CACNA1B: variants seen among roughly 807,000 people sequenced by gnomAD.
CACNA1B encodes calcium voltage-gated channel subunit alpha1 B.
Under a neutral mutation model 247.2 loss-of-function variants are expected in CACNA1B, and 70 were observed. The observed-to-expected ratio is 0.28, with a 90% CI of 0.23 to 0.35. The LOEUF (loss-of-function observed/expected upper bound fraction) is 0.35. Ranked by LOEUF, CACNA1B falls within the 10% of genes least tolerant of loss-of-function variation. The pLI is 1.00. For synonymous variants in CACNA1B, 1,231 were observed against 1,294.4 expected (o/e 0.95, Z 1.05); for missense variants, 2,367 against 3,197.4 (o/e 0.74, Z 6.26).
chr9:138,067,928 C>T (rs1959977720), intron 31 of CACNA1B, among the ~76,000 whole-genome samples: 2 of 152,210 alleles, frequency 1.3e-5, no homozygotes, highest in African/African-American at 2.4e-5. Context: ...TCTGAGTGCC[C>T]ATCGGTAACA....
At position 137,971,604 on chromosome 9, in the gene CACNA1B, C is replaced by A; in HGVS notation, c.1543+12C>A. ...TACCACGACCCTGTGTACGTATCCC[C>A]GTCCCTCCCTCAGGTGCTTCCTGAG... On this transcript the variant is annotated intron_variant, in intron 11 of 46. Coordinates refer to ENST00000371372, the MANE Select transcript of CACNA1B (RefSeq NM_000718.4). This position sits in a 1 kb window ranked among gnomAD's most constrained non-coding sequence, Gnocchi z 4.4. 6.2e-7 allele frequency: 1 copy of A among 1,606,086 alleles called. No individual in the cohort carries two copies. Among genetic ancestry groups the A allele is most frequent in the Non-Finnish European group, 8.5e-7 (1 of 1,174,506 alleles).
intron 39 of CACNA1B, among the ~76,000 whole-genome samples, chr9:138,108,164 CT>C (rs983992057): frequency 1.3e-5 from 2 of 151,774 alleles, no homozygotes; most frequent in Non-Finnish European, 2.9e-5. Context: ...CAGGGAGCCC[CT>C]GGCTCTACAA....
At chr9:137,884,962 C>T (rs796500497) in intron 3 of CACNA1B, among the ~76,000 whole-genome samples, 3 of 109,086 alleles carry the variant, frequency 2.8e-5, no homozygotes, top group Non-Finnish European at 4.1e-5. Flanking sequence ...CCTCTTCCCC[C>T]CCCCCCTCCT....
Position 137,954,905 on chromosome 9 carries a change from G to GGAGAGAGAGA in CACNA1B, c.1071-784_1071-775dup, listed in dbSNP as rs143201199. ...GAGAGAGAGAGAGAGAGAGAGAGGGGGAGAGAGAGAGAGAGAGAATGGCTT... is the reference window on the plus strand; with the variant it reads ...GAGAGAGAGAGAGAGAGAGAGAGGGGGAGAGAGAGAGAGAGAGAGAGAGAGAGAATGGCTT... On this transcript the variant is annotated intron_variant, in intron 7 of 46. Coordinates refer to ENST00000371372, the MANE Select transcript of CACNA1B (RefSeq NM_000718.4). The surrounding 1 kb of genome is among the most constrained non-coding windows in gnomAD (Gnocchi z 4.1). 4.4e-5 allele frequency among the ~76,000 whole-genome samples: 5 copies of GGAGAGAGAGA among 114,632 alleles called. No individual in the cohort carries two copies. Among genetic ancestry groups the GGAGAGAGAGA allele is most frequent in the Non-Finnish European group, 8.5e-5 (5 of 58,482 alleles). The allele number at this position is 114,632 out of a possible 152,430, so 75.2% of individuals were successfully genotyped here. A position where few individuals can be genotyped will look rare whatever the true frequency, so the allele number is the denominator to read the frequency against.
In CACNA1B at chr9:138,100,935, G is replaced by A. The variant is rs79699420; in HGVS notation, c.5223-1776G>A. On this transcript the variant is annotated intron_variant, in intron 37 of 46. Coordinates refer to ENST00000371372, the MANE Select transcript of CACNA1B (RefSeq NM_000718.4). This position sits in a 1 kb window ranked among gnomAD's most constrained non-coding sequence, Gnocchi z 4.6. ...TTTCGCTGGGGTTGCCACACCTCCC[G>A]GGGAGCTCCAAGCCCCAGTACCCCG... Among the ~76,000 whole-genome samples, 414 of 152,164 alleles carry A rather than the reference G, an allele frequency of 2.7e-3. 5 individuals are homozygous for A. In the East Asian group the frequency reaches 0.038, roughly 14 times the overall value.
chr9:137,949,060 T>TGC (rs1334218647), intron 6 of CACNA1B, among the ~76,000 whole-genome samples: 3 of 116,598 alleles, frequency 2.6e-5, no homozygotes, highest in Non-Finnish European at 3.7e-5. Context: ...GGGTGTGAAG[T>TGC]ATGTGTGTAG....
rs1027844164 is a variant in CACNA1B, at chr9:137,950,130, G to C, written c.967-2144G>C. ...AGTCTAGGTTCCCCACTTGGCATCT[G>C]TTGACTTATGGTAGCGTGTTCTCCT... On this transcript the variant is annotated intron_variant, in intron 6 of 46. Transcript: ENST00000371372. The surrounding 1 kb of genome is among the most constrained non-coding windows in gnomAD (Gnocchi z 4.8). Among the ~76,000 whole-genome samples the C allele has an allele frequency of 6.6e-6, 1 of 152,204 alleles. No individual in the cohort carries two copies. The highest frequency in any genetic ancestry group is 6.5e-5 in the Admixed American group (1 of 15,288).
intron 6 of CACNA1B, among the ~76,000 whole-genome samples, chr9:137,948,344 A>G (rs1957822569): frequency 6.6e-6 from 1 of 152,078 alleles, no homozygotes; most frequent in South Asian, 2.1e-4. Context: ...TGATGACATG[A>G]ATATCAGATC....
rs533973333 is a variant in CACNA1B at position 137,955,426 on chromosome 9, G to A, written c.1071-272G>A. On this transcript the variant is annotated intron_variant, in intron 7 of 46. Transcript: ENST00000371372. The surrounding 1 kb of genome is among the most constrained non-coding windows in gnomAD (Gnocchi z 6.9). ...CTGCCCCTCTGGGGACCAAGGCACCGTCCCTAAGTGCCACGGGAGTCTGAG... is the reference window on the plus strand; with the variant it reads ...CTGCCCCTCTGGGGACCAAGGCACCATCCCTAAGTGCCACGGGAGTCTGAG... Among the ~76,000 whole-genome samples the A allele has an allele frequency of 2.6e-5, 4 of 152,308 alleles. No homozygotes were observed. The highest frequency in any genetic ancestry group is 4.4e-5 in the Non-Finnish European group (3 of 68,024).
At position 137,919,699 on chromosome 9, in the gene CACNA1B, G is replaced by A. The variant is rs1286362968; in HGVS notation, c.966+2268G>A. Among the ~76,000 whole-genome samples the A allele has an allele frequency of 6.6e-6, 1 of 152,258 alleles. No individual in the cohort carries two copies. The highest frequency in any genetic ancestry group is 1.5e-5 in the Non-Finnish European group (1 of 68,052). On this transcript the variant is annotated intron_variant, in intron 6 of 46. Transcript: ENST00000371372. This position sits in a 1 kb window ranked among gnomAD's most constrained non-coding sequence, Gnocchi z 4.6. ...CTTTGTGGGCGGAAGCCCACGGCCTGCAGTAGGGGTGGAGGCAGAGAGATG... is the reference window on the plus strand; with the variant it reads ...CTTTGTGGGCGGAAGCCCACGGCCTACAGTAGGGGTGGAGGCAGAGAGATG...
At chr9:137,992,459 G>T (rs1958442377) in intron 15 of CACNA1B, among the ~76,000 whole-genome samples, 1 of 152,156 alleles carries the variant, frequency 6.6e-6, no homozygotes, top group Non-Finnish European at 1.5e-5. Context: ...CTAGACCTAA[G>T]AAATGATATA....
intron 15 of CACNA1B, among the ~76,000 whole-genome samples, chr9:138,000,640 G>A (rs190364979): frequency 9.2e-5 from 14 of 152,238 alleles, no homozygotes; most frequent in African/African-American, 3.4e-4. Context: ...CATTTCATGA[G>A]GCTAGTACAA....
At chr9:137,932,143 C>A (rs182402585) in intron 6 of CACNA1B, among the ~76,000 whole-genome samples, 1 of 152,110 alleles carries the variant, frequency 6.6e-6, no homozygotes, top group Non-Finnish European at 1.5e-5. Flanking sequence ...TGTATGGCGA[C>A]GATACTTTGG....
rs531546532 is a variant in CACNA1B at position 138,014,856 on chromosome 9, C to T, written c.2267+1621C>T. On this transcript the variant is annotated intron_variant, in intron 18 of 46. Transcript: ENST00000371372. This position sits in a 1 kb window ranked among gnomAD's most constrained non-coding sequence, Gnocchi z 6.2. ...ACCTTGCAGAAGAGGCTGCCAGGTC[C>T]CTGGCAGTCATGGAGCCTGAGTCAG... Among the ~76,000 whole-genome samples the T allele has an allele frequency of 3.1e-4, 46 of 149,742 alleles. No individual in the cohort carries two copies. Among genetic ancestry groups the T allele is most frequent in the Admixed American group, 2.5e-3 (38 of 15,184 alleles).
At chr9:137,898,494 C>T (rs1957196095) in intron 3 of CACNA1B, among the ~76,000 whole-genome samples, 1 of 151,754 alleles carries the variant, frequency 6.6e-6, no homozygotes. Context: ...TGTTCTTCTT[C>T]TTCTTGTTTT....
At chr9:138,105,610 C>G (rs1426019744) in intron 38 of CACNA1B, 89 bp from the exon 39 acceptor site, 3 of 734,092 alleles carry the variant, frequency 4.1e-6, no homozygotes, top group Middle Eastern at 2.3e-4. Flanking sequence ...GATGCCCAGC[C>G]CAGCATCCAG....
chr9:138,049,570 C>T (rs1223429929), intron 24 of CACNA1B, among the ~76,000 whole-genome samples: 2 of 152,164 alleles, frequency 1.3e-5, no homozygotes, highest in Non-Finnish European at 2.9e-5. Flanking sequence ...TCCCCGCCTG[C>T]CTGGAGGGGT....
chr9:137,905,964 C>T (rs980021021), intron 3 of CACNA1B, among the ~76,000 whole-genome samples: 4 of 152,198 alleles, frequency 2.6e-5, no homozygotes, highest in Non-Finnish European at 5.9e-5. Flanking sequence ...GGAATGTAGA[C>T]CAGATTTTTT....
intron 8 of CACNA1B, 74 bp from the exon 9 acceptor site, chr9:137,956,697 C>A: frequency 3.3e-6 from 4 of 1,221,584 alleles, no homozygotes; most frequent in Non-Finnish European, 4.7e-6. Flanking sequence ...GCCTTCCAGA[C>A]AGAGATGTGC....
Sources: gnomAD v4.1 joint callset for allele counts (sites outside exome capture counted in the v4.1 genomes callset) on GRCh38, gnomAD v4.1.1 for gene constraint, Gnocchi (gnomAD v3.1) non-coding constraint, MANE v1.5 for transcripts, NCBI Gene and HGNC (gene_info 2026-07-23, HGNC 2026-07-21) for gene names.